ATP10B: variants seen among roughly 807,000 people sequenced by gnomAD.
ATP10B encodes phospholipid-transporting ATPase VB.
ATP10B carries 122 observed loss-of-function variants against 141.2 expected under a neutral mutation model. That is an observed-to-expected ratio of 0.86 (90% confidence interval 0.75 to 1.00). The LOEUF is 1.00. Among genes scored for constraint, ATP10B ranks in the 50% least tolerant of loss-of-function variants. The probability of loss-of-function intolerance (pLI) is 0.00; values close to 1 mark genes in which losing one functional copy is unlikely to be tolerated. For synonymous variants in ATP10B, 685 were observed against 692.0 expected (o/e 0.99, Z 0.16); for missense variants, 1,876 against 1,825.3 (o/e 1.03, Z -0.51).
chr5:160,872,891 T>A, the ATP10B span, among the ~76,000 whole-genome samples: 1 of 151,094 alleles, frequency 6.6e-6, no homozygotes. Flanking sequence ...TTTAGAATTG[T>A]TTTTTCTACT....
intron 6 of ATP10B, among the ~76,000 whole-genome samples, chr5:160,673,559 A>G (rs925461870): frequency 6.7e-6 from 1 of 149,822 alleles, no homozygotes; most frequent in Non-Finnish European, 1.5e-5. Context: ...TTTGGTACCC[A>G]TTAACCATCC....
At chr5:160,602,306 A>G (rs938549224) in intron 21 of ATP10B, among the ~76,000 whole-genome samples, 3 of 151,974 alleles carry the variant, frequency 2.0e-5, no homozygotes, top group African/African-American at 7.3e-5. Flanking sequence ...CTGACTCCAG[A>G]GTCTACACTT....
At chr5:160,787,810 G>A (rs1201850911) in intron 1 of ATP10B, among the ~76,000 whole-genome samples, 2 of 152,108 alleles carry the variant, frequency 1.3e-5, no homozygotes, top group African/African-American at 4.8e-5. Flanking sequence ...AAATAAGGAA[G>A]CCGTGTGTGC....
At chr5:160,586,044 G>A (rs531693799) in intron 24 of ATP10B, among the ~76,000 whole-genome samples, 1 of 152,166 alleles carries the variant, frequency 6.6e-6, no homozygotes, top group Non-Finnish European at 1.5e-5. Flanking sequence ...ATGTGCCATG[G>A]TGGTTTGCTG....
At chr5:160,644,003 A>G in intron 9 of ATP10B, 135 bp downstream of exon 9, 1 of 687,148 alleles carries the variant, frequency 1.5e-6, no homozygotes, top group Non-Finnish European at 2.6e-6. Context: ...CCGTTTGCTT[A>G]GTTGAGAAAT....
chr5:160,879,459 C>T, the ATP10B span, among the ~76,000 whole-genome samples: 8 of 138,720 alleles, frequency 5.8e-5, no homozygotes, highest in South Asian at 1.2e-3. Flanking sequence ...GTGGGTGCAG[C>T]GCACCAGCAT....
At chr5:160,861,275 G>T in the ATP10B span, among the ~76,000 whole-genome samples, 1 of 151,692 alleles carries the variant, frequency 6.6e-6, no homozygotes, top group Non-Finnish European at 1.5e-5. Context: ...CTAGAATAGA[G>T]AACTACCTAC....
chr5:160,744,409 C>T (rs1345145335), intron 2 of ATP10B, among the ~76,000 whole-genome samples: 2 of 152,184 alleles, frequency 1.3e-5, no homozygotes, highest in Non-Finnish European at 2.9e-5. Context: ...TTCTATCTGG[C>T]TGGGGACTGT....
At chr5:160,824,877 C>A (rs575543353) in intron 1 of ATP10B, among the ~76,000 whole-genome samples, 11 of 152,306 alleles carry the variant, frequency 7.2e-5, no homozygotes, top group Admixed American at 2.0e-4. Context: ...TAGTCCCAAT[C>A]CGCCAATTGC....
chr5:160,572,751 G>A (rs1232652481), intron 24 of ATP10B, among the ~76,000 whole-genome samples: 1 of 152,142 alleles, frequency 6.6e-6, no homozygotes, highest in Non-Finnish European at 1.5e-5. Context: ...AAATATCTTG[G>A]ACTAGTTTTT....
chr5:160,727,523 G>C (rs1032434757), intron 2 of ATP10B, among the ~76,000 whole-genome samples: 4 of 152,146 alleles, frequency 2.6e-5, no homozygotes, highest in Non-Finnish European at 2.9e-5. Context: ...TCATCTCTAA[G>C]CCCTTGGAAT....
chr5:160,923,417 A>T, the ATP10B span, among the ~76,000 whole-genome samples: 4 of 152,218 alleles, frequency 2.6e-5, no homozygotes, highest in Non-Finnish European at 5.9e-5. Flanking sequence ...GTAAACGATG[A>T]TGACAGTATT....
At chr5:160,574,433 C>A (rs940380694) in intron 24 of ATP10B, among the ~76,000 whole-genome samples, 2 of 151,890 alleles carry the variant, frequency 1.3e-5, no homozygotes, top group Non-Finnish European at 2.9e-5. Flanking sequence ...GATTCTATCT[C>A]AAAAAAAATT....
chr5:160,681,621 C>T (rs1763405851), intron 6 of ATP10B, among the ~76,000 whole-genome samples: 1 of 152,094 alleles, frequency 6.6e-6, no homozygotes, highest in Non-Finnish European at 1.5e-5. Context: ...CACTGCCCAC[C>T]TCAAAAAAGC....
intron 1 of ATP10B, among the ~76,000 whole-genome samples, chr5:160,828,891 G>C (rs1156367804): frequency 6.7e-6 from 1 of 148,540 alleles, no homozygotes; most frequent in Non-Finnish European, 1.5e-5. Flanking sequence ...AAAATGATGA[G>C]TTCATGTCAT....
At position 160,690,956 on chromosome 5, in the gene ATP10B, C is replaced by A. The variant is rs531463933; in HGVS notation, c.-204-2013G>T. Among the ~76,000 whole-genome samples, 11 of 152,254 alleles carry A rather than the reference C, an allele frequency of 7.2e-5. No individual in the cohort carries two copies. The South Asian group carries it at 2.3e-3, about 32-fold the overall frequency. Reference sequence around the variant, plus strand: ...CAATAGCAAAGACTTGGAACCAACCCAAATGCCCATTAATGATAGACTGGA... The same window carrying A: ...CAATAGCAAAGACTTGGAACCAACCAAAATGCCCATTAATGATAGACTGGA... On this transcript the variant is annotated intron_variant, in intron 3 of 25. Transcript: ENST00000327245.
chr5:160,751,612 C>T (rs1768153447), intron 2 of ATP10B, among the ~76,000 whole-genome samples: 1 of 152,094 alleles, frequency 6.6e-6, no homozygotes, highest in Admixed American at 6.5e-5. Context: ...CTAGTGCTTT[C>T]ATGCTCTTCC....
chr5:160,829,832 T>TC (rs1774939625), intron 1 of ATP10B, among the ~76,000 whole-genome samples: 2 of 152,186 alleles, frequency 1.3e-5, no homozygotes, highest in African/African-American at 4.8e-5. Flanking sequence ...AACTCATTTA[T>TC]CAGTTCTAGT....
chr5:160,809,591 T>C (rs1773011359), intron 1 of ATP10B, among the ~76,000 whole-genome samples: 1 of 152,226 alleles, frequency 6.6e-6, no homozygotes, highest in South Asian at 2.1e-4. Flanking sequence ...TAATATATTA[T>C]TGTTAACAAT....
Sources: allele counts gnomAD v4.1 joint callset (sites outside exome capture counted in the v4.1 genomes callset), GRCh38; gene constraint gnomAD v4.1.1; transcripts MANE v1.5; gene names NCBI Gene and HGNC (gene_info 2026-07-23, HGNC 2026-07-21).